COMMD6: variants seen among roughly 807,000 people sequenced by gnomAD.
COMMD6 encodes the protein COMM domain-containing protein 6.
A neutral mutation model predicts 13.4 loss-of-function variants in COMMD6; 11 were observed. The observed-to-expected ratio is 0.82, with a 90% CI of 0.52 to 1.36. The LOEUF is 1.36. Among genes scored for constraint, COMMD6 ranks in the 40% most tolerant of loss-of-function variants. The probability of loss-of-function intolerance (pLI) is 0.00; values close to 1 mark genes in which losing one functional copy is unlikely to be tolerated. For missense variants in COMMD6, 124 were observed against 102.4 expected (o/e 1.21, Z -0.91); for synonymous variants, 43 against 36.5 (o/e 1.18, Z -0.64).
intron 1 of COMMD6, among the ~76,000 whole-genome samples, chr13:75,545,473 C>G (rs1490435590): frequency 6.8e-6 from 1 of 146,920 alleles, no homozygotes; most frequent in Non-Finnish European, 1.5e-5. Context: ...TTCTTTTTCT[C>G]TTTTTTTTTT....
intron 1 of COMMD6, among the ~76,000 whole-genome samples, chr13:75,546,840 T>C (rs1001111393): frequency 6.6e-6 from 1 of 152,236 alleles, no homozygotes; most frequent in Middle Eastern, 3.2e-3. Context: ...AATGTTTTAG[T>C]TGATGATCTA....
intron 3 of COMMD6, among the ~76,000 whole-genome samples, chr13:75,528,151 G>A (rs1373747696): frequency 6.6e-6 from 1 of 151,498 alleles, no homozygotes; most frequent in Non-Finnish European, 1.5e-5. Flanking sequence ...TCATCACATT[G>A]TGAAACCTTC....
chr13:75,540,348 A>ACC (rs1329879961), upstream of COMMD6, among the ~76,000 whole-genome samples: 68 of 146,462 alleles, frequency 4.6e-4, no homozygotes, highest in Non-Finnish European at 9.3e-4. Context: ...ACACACCCAC[A>ACC]CACACACACA....
rs1419948030 is a variant in COMMD6 at position 75,537,781 on chromosome 13, G to T, written c.25C>A (p.Leu9Met). The change falls in exon 1 of 4, where the codon CTG (leucine) becomes ATG (methionine). Residue 9 changes from leucine to methionine, a missense_variant. Coordinates refer to ENST00000682242, the MANE Select transcript of COMMD6 (RefSeq NM_203495.4). ...GAACTCACATCGGACTTAGCATCCA[G>T]CGGCGGCTCGCTGGACGCCTCCATG... MEASSEPP[L>M]DAKSDVTNQL... The T allele has an allele frequency of 6.2e-7, 1 of 1,611,432 alleles. No individual in the cohort carries two copies. The highest frequency in any genetic ancestry group is 1.1e-5 in the South Asian group (1 of 90,964).
chr13:75,536,418 A>T (rs954405570), intron 2 of COMMD6, among the ~76,000 whole-genome samples: 3 of 152,228 alleles, frequency 2.0e-5, no homozygotes, highest in African/African-American at 7.2e-5. Flanking sequence ...TAATCCTCAA[A>T]ATCTATGAAT....
At chr13:75,537,462 G>C in intron 2 of COMMD6, 1 of 1,551,808 alleles carries the variant, frequency 6.4e-7, no homozygotes. Context: ...AGTGCAGGGT[G>C]GGGAAGAGGA....
At chr13:75,539,969 C>CTTTTTTT (rs34796430), upstream of COMMD6, among the ~76,000 whole-genome samples, 1 of 113,792 alleles carries the variant, frequency 8.8e-6, no homozygotes, top group Non-Finnish European at 1.8e-5. Context: ...GCAAGGAAAT[C>CTTTTTTT]TTTTTTTTTT....
chr13:75,539,126 T>C (rs1272549944), upstream of COMMD6, among the ~76,000 whole-genome samples: 1 of 152,174 alleles, frequency 6.6e-6, no homozygotes. Flanking sequence ...TCTCTCCTGT[T>C]CCTGTTCCTT....
In COMMD6 at chr13:75,537,716, C is replaced by A. The variant is rs114316494; in HGVS notation, c.43-41G>T. The A allele has an allele frequency of 1.3e-3, 2,059 of 1,614,034 alleles. 23 individuals are homozygous for A. The African/African-American group carries it at 0.024, about 19-fold the overall frequency. On this transcript the variant is annotated intron_variant, in intron 1 of 3. Transcript: ENST00000682242. ...AAACACAATTTAGAGAAACATCTTT[C>A]TTGCTCCAGAGCCTCGCTGCCCACT...
chr13:75,537,811 G>A lies in COMMD6; in HGVS notation c.-6C>T. ...GGCTCGCTGGACGCCTCCATGGGCA[G>A]CGTCTGGGACTTGCGGCCCGGACTC... On this transcript the variant is annotated 5_prime_UTR_variant, in exon 1 of 4. Transcript: ENST00000682242. 6.2e-7 allele frequency: 1 copy of A among 1,600,808 alleles called. No homozygotes were observed. The highest frequency in any genetic ancestry group is 8.5e-7 in the Non-Finnish European group (1 of 1,171,428).
intron 3 of COMMD6, among the ~76,000 whole-genome samples, chr13:75,529,012 C>A (rs559077712): frequency 2.6e-4 from 40 of 152,234 alleles, no homozygotes; most frequent in African/African-American, 9.1e-4. Context: ...TACAAAGAAT[C>A]ACTTTTTATT....
upstream of COMMD6, among the ~76,000 whole-genome samples, chr13:75,541,941 G>A (rs551405442): frequency 9.4e-4 from 143 of 152,284 alleles, no homozygotes; most frequent in Non-Finnish European, 1.4e-3. Context: ...ATAGGGCATT[G>A]CAGCAGAAAT....
intron 1 of COMMD6, among the ~76,000 whole-genome samples, chr13:75,548,054 A>G (rs999820786): frequency 6.6e-6 from 1 of 152,246 alleles, no homozygotes; most frequent in Non-Finnish European, 1.5e-5. Context: ...CCTGGAAGAT[A>G]AAGATGCTGT....
At chr13:75,542,250 T>G (rs1205302241), upstream of COMMD6, among the ~76,000 whole-genome samples, 1 of 151,872 alleles carries the variant, frequency 6.6e-6, no homozygotes, top group East Asian at 1.9e-4. Context: ...CTCATGGCCT[T>G]CCCCAGCTCT....
intron 2 of COMMD6, among the ~76,000 whole-genome samples, chr13:75,537,076 G>A (rs1433941915): frequency 3.3e-5 from 5 of 152,120 alleles, no homozygotes; most frequent in Non-Finnish European, 7.4e-5. Flanking sequence ...CTTACATTTT[G>A]TATGGACTTG....
upstream of COMMD6, among the ~76,000 whole-genome samples, chr13:75,539,921 T>C (rs906050473): frequency 6.6e-6 from 1 of 151,872 alleles, no homozygotes; most frequent in Non-Finnish European, 1.5e-5. Context: ...CACAGAACAC[T>C]GCTGTGCATC....
intron 1 of COMMD6, among the ~76,000 whole-genome samples, chr13:75,545,316 G>T: frequency 6.6e-6 from 1 of 152,202 alleles, no homozygotes; most frequent in East Asian, 1.9e-4. Context: ...GGGCCTGAAC[G>T]TGAAAGATTC....
intron 1 of COMMD6, among the ~76,000 whole-genome samples, chr13:75,547,671 C>T (rs2030927108): frequency 2.6e-5 from 4 of 152,124 alleles, no homozygotes. Context: ...CTGTATAAAC[C>T]ATATAAACCA....
At chr13:75,536,245 A>C (rs1048896213) in intron 2 of COMMD6, among the ~76,000 whole-genome samples, 1 of 152,242 alleles carries the variant, frequency 6.6e-6, no homozygotes, top group Admixed American at 6.5e-5. Context: ...GAACTAAAGA[A>C]CGTTCAACAA....
Sources: allele counts gnomAD v4.1 joint callset (sites outside exome capture counted in the v4.1 genomes callset), GRCh38; gene constraint gnomAD v4.1.1; transcripts MANE v1.5; gene names NCBI Gene and HGNC (gene_info 2026-07-23, HGNC 2026-07-21).